Variants in GSK3B observed in about 807,000 individuals in gnomAD.
GSK3B encodes the protein glycogen synthase kinase 3 beta, also known as glycogen synthase kinase-3 beta.
A neutral mutation model predicts 56.4 loss-of-function variants in GSK3B; 15 were observed. The observed-to-expected ratio is 0.27, with a 90% CI of 0.18 to 0.41. GSK3B has a LOEUF of 0.41. Among genes scored for constraint, GSK3B ranks in the 10% least tolerant of loss-of-function variants. The probability of loss-of-function intolerance (pLI) is 1.00; values close to 1 mark genes in which losing one functional copy is unlikely to be tolerated. For synonymous variants in GSK3B, 181 were observed against 188.9 expected (o/e 0.96, Z 0.34); for missense variants, 300 against 513.4 (o/e 0.58, Z 4.02).
chr3:120,083,364 C>T (rs1485486410), intron 1 of GSK3B, among the ~76,000 whole-genome samples: 2 of 151,944 alleles, frequency 1.3e-5, no homozygotes, highest in African/African-American at 4.8e-5. Flanking sequence ...TAGATCAGAT[C>T]CCAGCAGTTG....
chr3:119,855,909 A>G (rs2056016173), intron 9 of GSK3B, among the ~76,000 whole-genome samples: 1 of 152,328 alleles, frequency 6.6e-6, no homozygotes, highest in East Asian at 1.9e-4. Context: ...ACACACCAAC[A>G]TGGCACATGT....
chr3:119,846,449 A>G (rs1290140087), intron 9 of GSK3B, among the ~76,000 whole-genome samples: 2 of 152,208 alleles, frequency 1.3e-5, no homozygotes, highest in Non-Finnish European at 2.9e-5. Flanking sequence ...CAAGAAAAAA[A>G]CAAACAATCC....
chr3:119,983,620 C>A (rs1052986759), intron 2 of GSK3B, among the ~76,000 whole-genome samples: 4 of 151,780 alleles, frequency 2.6e-5, no homozygotes, highest in African/African-American at 9.7e-5. Context: ...AAAGCCATTA[C>A]ATGATGGTAA....
intron 10 of GSK3B, among the ~76,000 whole-genome samples, chr3:119,838,814 A>C (rs1337868710): frequency 6.6e-6 from 1 of 152,158 alleles, no homozygotes; most frequent in African/African-American, 2.4e-5. Flanking sequence ...TTTCTTTCCA[A>C]TAGATTTATC....
intron 1 of GSK3B, among the ~76,000 whole-genome samples, chr3:120,048,071 G>GC (rs1316344658): frequency 2.0e-5 from 3 of 152,202 alleles, no homozygotes; most frequent in Admixed American, 1.3e-4. Context: ...GTTCTTCACA[G>GC]AACTATGTAA....
chr3:119,957,437 C>T (rs1042303390), intron 2 of GSK3B, among the ~76,000 whole-genome samples: 12 of 152,296 alleles, frequency 7.9e-5, no homozygotes, highest in Admixed American at 5.9e-4. Context: ...TATATCCTGA[C>T]AGGTAATATG....
intron 2 of GSK3B, among the ~76,000 whole-genome samples, chr3:119,989,176 G>T (rs2057541452): frequency 1.3e-5 from 2 of 152,044 alleles, no homozygotes; most frequent in Admixed American, 6.6e-5. Flanking sequence ...AATAACTGAG[G>T]GTGCCCAGAA....
Position 119,822,804 on chromosome 3 carries a change from T to C in GSK3B, c.*3984A>G, listed in dbSNP as rs999843932. On this transcript the variant is annotated 3_prime_UTR_variant, in exon 11 of 11. Coordinates refer to ENST00000264235, the MANE Select transcript of GSK3B (RefSeq NM_001146156.2). Reference sequence around the variant, plus strand: ...CAGTAGGAATCAGATACAATTTCAGTTGAAAAGAAAGAAAACCCCCCAAAT... The same window carrying C: ...CAGTAGGAATCAGATACAATTTCAGCTGAAAAGAAAGAAAACCCCCCAAAT... 16 of 228,290 alleles carry C rather than the reference T, an allele frequency of 7.0e-5. No homozygotes were observed. Among genetic ancestry groups the C allele is most frequent in the Admixed American group, 1.1e-4 (2 of 17,596 alleles). The allele number at this position is 228,290 out of a possible 1,614,324, so 14.1% of individuals were successfully genotyped here.
At chr3:119,852,015 C>A (rs982081519) in intron 9 of GSK3B, among the ~76,000 whole-genome samples, 3 of 152,208 alleles carry the variant, frequency 2.0e-5, no homozygotes, top group Non-Finnish European at 4.4e-5. Context: ...AACTGCTTCT[C>A]TCCTTGGTAA....
intron 9 of GSK3B, among the ~76,000 whole-genome samples, chr3:119,857,207 T>A (rs979677073): frequency 6.6e-6 from 1 of 152,202 alleles, no homozygotes; most frequent in Non-Finnish European, 1.5e-5. Flanking sequence ...AGGGTGGCTA[T>A]GGCAATTTCT....
chr3:120,011,856 C>G (rs1293877378), intron 1 of GSK3B, among the ~76,000 whole-genome samples: 1 of 152,156 alleles, frequency 6.6e-6, no homozygotes, highest in Non-Finnish European at 1.5e-5. Context: ...TACATTAATA[C>G]CTATAATAGA....
intron 1 of GSK3B, among the ~76,000 whole-genome samples, chr3:120,090,371 A>T (rs1231695573): frequency 6.6e-6 from 1 of 152,196 alleles, no homozygotes; most frequent in African/African-American, 2.4e-5. Flanking sequence ...GTCAAATATC[A>T]TTGCCAGTAA....
chr3:119,969,697 C>T (rs556548310), intron 2 of GSK3B, among the ~76,000 whole-genome samples: 1 of 152,276 alleles, frequency 6.6e-6, no homozygotes, highest in East Asian at 1.9e-4. Context: ...GTCAACTAAA[C>T]TTTCACAAAG....
In GSK3B at chr3:119,822,120, GA is replaced by G. The variant is rs59156758; in HGVS notation, c.*4667del. 6.9e-5 allele frequency: 13 copies of G among 189,592 alleles called. No homozygotes were observed. Among genetic ancestry groups the G allele is most frequent in the African/African-American group, 2.6e-4 (11 of 42,776 alleles). The allele number at this position is 189,592 out of a possible 1,614,324, so 11.7% of individuals were successfully genotyped here. On this transcript the variant is annotated 3_prime_UTR_variant, in exon 11 of 11. Transcript: ENST00000264235. ...TCACAAAAAAGTTTATATTTAAAAT[GA>G]AAAAAAAATCAGTCACAGAGGCATT...
intron 1 of GSK3B, among the ~76,000 whole-genome samples, chr3:120,034,428 C>T (rs1004452460): frequency 1.3e-5 from 2 of 152,176 alleles, no homozygotes; most frequent in African/African-American, 4.8e-5. Flanking sequence ...AGTTAAACTT[C>T]ATTCATTTGC....
At chr3:119,935,625 T>A (rs1259539034) in intron 3 of GSK3B, among the ~76,000 whole-genome samples, 2 of 152,118 alleles carry the variant, frequency 1.3e-5, no homozygotes, top group Non-Finnish European at 2.9e-5. Context: ...TCTGTACTCC[T>A]TGGCATACAT....
intron 1 of GSK3B, among the ~76,000 whole-genome samples, chr3:120,087,857 T>G (rs1256875700): frequency 6.6e-6 from 1 of 152,114 alleles, no homozygotes; most frequent in Non-Finnish European, 1.5e-5. Context: ...GTAAGGGGGA[T>G]TATAAACTAA....
At chr3:120,049,116 A>T (rs1297615991) in intron 1 of GSK3B, among the ~76,000 whole-genome samples, 1 of 152,206 alleles carries the variant, frequency 6.6e-6, no homozygotes, top group Non-Finnish European at 1.5e-5. Context: ...TCTACATGAC[A>T]ATTCAAATCA....
intron 9 of GSK3B, among the ~76,000 whole-genome samples, chr3:119,851,600 A>C (rs867180655): frequency 6.6e-6 from 1 of 152,194 alleles, no homozygotes; most frequent in African/African-American, 2.4e-5. Context: ...CTCCTCTTAC[A>C]GTGATGTAAT....
Sources: allele counts gnomAD v4.1 joint callset (sites outside exome capture counted in the v4.1 genomes callset), GRCh38; gene constraint gnomAD v4.1.1; transcripts MANE v1.5; gene names NCBI Gene and HGNC (gene_info 2026-07-23, HGNC 2026-07-21).